ZNF462: variants seen among roughly 807,000 people sequenced by gnomAD.
The protein encoded by ZNF462 is zinc finger protein 462.
A neutral mutation model predicts 201.9 loss-of-function variants in ZNF462; 10 were observed. The observed-to-expected ratio is 0.05, with a 90% CI of 0.03 to 0.08. The LOEUF (loss-of-function observed/expected upper bound fraction) is 0.08. Among genes scored for constraint, ZNF462 ranks in the 10% least tolerant of loss-of-function variants. ZNF462 has a pLI of 1.00. For synonymous variants in ZNF462, 1,227 were observed against 1,193.3 expected (o/e 1.03, Z -0.58); for missense variants, 2,523 against 3,168.3 (o/e 0.80, Z 4.89).
At chr9:106,992,737 G>A (rs1336973567) in intron 10 of ZNF462, among the ~76,000 whole-genome samples, 2 of 152,066 alleles carry the variant, frequency 1.3e-5, no homozygotes, top group Non-Finnish European at 2.9e-5. Context: ...AGCAGGGATT[G>A]ATTACAAAGG....
At chr9:106,942,454 T>C (rs1006221097) in intron 7 of ZNF462, among the ~76,000 whole-genome samples, 1 of 152,220 alleles carries the variant, frequency 6.6e-6, no homozygotes, top group African/African-American at 2.4e-5. Flanking sequence ...GAATCCTCTA[T>C]ATATTCATGA....
In ZNF462 at chr9:107,008,870, G is replaced by A. The variant is rs1365043220; in HGVS notation, c.7190-675G>A. 6.6e-6 allele frequency among the ~76,000 whole-genome samples: 1 copy of A among 152,212 alleles called. No individual in the cohort carries two copies. Among genetic ancestry groups the A allele is most frequent in the Non-Finnish European group, 1.5e-5 (1 of 68,024 alleles). On this transcript the variant is annotated intron_variant, in intron 11 of 12. Transcript: ENST00000277225. The surrounding 1 kb of genome is among the most constrained non-coding windows in gnomAD (Gnocchi z 4.8). Reference sequence around the variant, plus strand: ...ACCACCAATTGAGGGGTAGGTGCCAGGCAGCTGGCCAGGATCTCTCAATAG... The same window carrying A: ...ACCACCAATTGAGGGGTAGGTGCCAAGCAGCTGGCCAGGATCTCTCAATAG...
At chr9:106,910,378 T>TTTTG (rs1183753804) in intron 1 of ZNF462, among the ~76,000 whole-genome samples, 4 of 149,864 alleles carry the variant, frequency 2.7e-5, no homozygotes, top group African/African-American at 9.7e-5. Flanking sequence ...TTTTTTTTTT[T>TTTTG]TTTTTTTTAA....
At chr9:106,947,334 G>A (rs763804499) in intron 7 of ZNF462, among the ~76,000 whole-genome samples, 7 of 152,256 alleles carry the variant, frequency 4.6e-5, no homozygotes, top group Admixed American at 2.0e-4. Context: ...TAGATGACTC[G>A]CACAGGTCAC....
At chr9:106,911,967 C>T (rs761976006) in intron 1 of ZNF462, among the ~76,000 whole-genome samples, 3 of 152,068 alleles carry the variant, frequency 2.0e-5, no homozygotes, top group South Asian at 2.1e-4. Context: ...TAATTTGAAG[C>T]GAAATCCAGT....
chr9:106,984,180 C>T lies in ZNF462; in HGVS notation c.6833-6C>T, dbSNP rs1282466728. The T allele has an allele frequency of 1.9e-6, 3 of 1,608,928 alleles. No individual in the cohort carries two copies. Among genetic ancestry groups the T allele is most frequent in the Admixed American group, 1.7e-5 (1 of 59,044 alleles). ...TCCCATCTTTCCATTCAATTTGTTT[C>T]CACAGAAGAGCGTGTTGTCCCCATT... On this transcript the variant is annotated splice_polypyrimidine_tract_variant and splice_region_variant and intron_variant, in intron 9 of 12. Coordinates refer to ENST00000277225, the MANE Select transcript of ZNF462 (RefSeq NM_021224.6). This position sits in a 1 kb window ranked among gnomAD's most constrained non-coding sequence, Gnocchi z 6.4.
At position 106,924,860 on chromosome 9, in the gene ZNF462, C is replaced by T. The variant is rs144035514; in HGVS notation, c.948C>T (p.Thr316=). ...CAAGCCGGGAGATACCCAATACTAC[C>T]GTCTCCAACTTCAGGGGCTCCATGG... ...NAASREIPNT[T]VSNFRGSMGN... The change falls in exon 3 of 13, where the codon ACC becomes ACT. Residue 316 remains threonine, a synonymous_variant. Coordinates refer to ENST00000277225, the MANE Select transcript of ZNF462 (RefSeq NM_021224.6). The surrounding 1 kb of genome is among the most constrained non-coding windows in gnomAD (Gnocchi z 6.2). 6.4e-5 allele frequency: 103 copies of T among 1,614,084 alleles called. 1 individual carries two copies. Among genetic ancestry groups the T allele is most frequent in the Middle Eastern group, 1.6e-4 (1 of 6,084 alleles).
At position 106,872,718 on chromosome 9, in the gene ZNF462, C is replaced by G. The variant is rs964159240; in HGVS notation, c.-31+9363C>G. Among the ~76,000 whole-genome samples the G allele has an allele frequency of 1.3e-5, 2 of 152,154 alleles. No individual in the cohort carries two copies. The highest frequency in any genetic ancestry group is 4.8e-5 in the African/African-American group (2 of 41,438). Reference sequence around the variant, plus strand: ...GAGTTCAGTTGCAAGAACTTCCCCCCTTTCTGCTGTCAATTGAATATTGTC... The same window carrying G: ...GAGTTCAGTTGCAAGAACTTCCCCCGTTTCTGCTGTCAATTGAATATTGTC... On this transcript the variant is annotated intron_variant, in intron 1 of 12. Transcript: ENST00000277225. The surrounding 1 kb of genome is among the most constrained non-coding windows in gnomAD (Gnocchi z 4.5).
At chr9:106,915,820 T>C (rs764045965) in intron 1 of ZNF462, among the ~76,000 whole-genome samples, 1 of 152,188 alleles carries the variant, frequency 6.6e-6, no homozygotes, top group African/African-American at 2.4e-5. Flanking sequence ...AGGGTAGTTA[T>C]ATTAGAAACC....
In ZNF462 at chr9:106,962,013, C is replaced by T. The variant is rs540629745; in HGVS notation, c.6428-9992C>T. Among the ~76,000 whole-genome samples, 5 of 152,042 alleles carry T rather than the reference C, an allele frequency of 3.3e-5. No homozygotes were observed. Among genetic ancestry groups the T allele is most frequent in the African/African-American group, 7.2e-5 (3 of 41,502 alleles). Reference sequence around the variant, plus strand: ...ACAGTGTGGGCAAGGGAGTGAGGATCGGCCTGGAAAGATGAAGGAGAGTGT... The same window carrying T: ...ACAGTGTGGGCAAGGGAGTGAGGATTGGCCTGGAAAGATGAAGGAGAGTGT... On this transcript the variant is annotated intron_variant, in intron 7 of 12. Transcript: ENST00000277225. The surrounding 1 kb of genome is among the most constrained non-coding windows in gnomAD (Gnocchi z 4.6).
At chr9:106,862,002 A>G (rs901217412), upstream of ZNF462, among the ~76,000 whole-genome samples, 1 of 152,154 alleles carries the variant, frequency 6.6e-6, no homozygotes, top group African/African-American at 2.4e-5. The surrounding 1 kb of genome is among the most constrained non-coding windows in gnomAD (Gnocchi z 4.2). Context: ...TGCGCAGTCA[A>G]AACATTTCAC....
rs1827619240 is a variant in ZNF462, at chr9:106,872,124, A to G, written c.-31+8769A>G. On this transcript the variant is annotated intron_variant, in intron 1 of 12. Transcript: ENST00000277225. The surrounding 1 kb of genome is among the most constrained non-coding windows in gnomAD (Gnocchi z 4.5). ...TCTGTGTTATGACTAATTAGTCAGCAATTGAGCACCAATCATTCAACCCAG... is the reference window on the plus strand; with the variant it reads ...TCTGTGTTATGACTAATTAGTCAGCGATTGAGCACCAATCATTCAACCCAG... 6.6e-6 allele frequency among the ~76,000 whole-genome samples: 1 copy of G among 152,106 alleles called. No individual in the cohort carries two copies. Among genetic ancestry groups the G allele is most frequent in the Admixed American group, 6.5e-5 (1 of 15,276 alleles).
In ZNF462 at chr9:106,950,357, T is replaced by C. The variant is rs574908610; in HGVS notation, c.6427+11250T>C. Among the ~76,000 whole-genome samples, 6 of 152,324 alleles carry C rather than the reference T, an allele frequency of 3.9e-5. No homozygotes were observed. The East Asian group carries it at 1.2e-3, about 29-fold the overall frequency. The stretch of plus-strand genomic sequence containing the variant: ...AGAAGTTGCAAATAGCTGCAGTCTA[T>C]CTTACTTGTCCCAAACTAAATGGAG... On this transcript the variant is annotated intron_variant, in intron 7 of 12. Coordinates refer to ENST00000277225, the MANE Select transcript of ZNF462 (RefSeq NM_021224.6). The surrounding 1 kb of genome is among the most constrained non-coding windows in gnomAD (Gnocchi z 4.1).
chr9:106,861,251 G>C (rs912418314), upstream of ZNF462, among the ~76,000 whole-genome samples: 1 of 152,032 alleles, frequency 6.6e-6, no homozygotes, highest in Non-Finnish European at 1.5e-5. Flanking sequence ...GGAAAATCTT[G>C]GAAAATGAGG....
intron 10 of ZNF462, among the ~76,000 whole-genome samples, chr9:106,987,413 A>G (rs1228526213): frequency 6.6e-6 from 1 of 152,164 alleles, no homozygotes; most frequent in African/African-American, 2.4e-5. Flanking sequence ...TTCCCTGATC[A>G]TTAGTGATGC....
At chr9:106,882,131 T>C (rs1402879767) in intron 1 of ZNF462, among the ~76,000 whole-genome samples, 1 of 152,204 alleles carries the variant, frequency 6.6e-6, no homozygotes, top group Non-Finnish European at 1.5e-5. Context: ...AAAGATCTTA[T>C]TCAGTTAAAA....
At chr9:106,864,743 A>T (rs1037464779) in intron 1 of ZNF462, among the ~76,000 whole-genome samples, 4 of 151,884 alleles carry the variant, frequency 2.6e-5, no homozygotes, top group Non-Finnish European at 5.9e-5. Flanking sequence ...AAGACCAACC[A>T]GTTGGGGCTT....
In ZNF462 at chr9:106,974,266, G is replaced by T; in HGVS notation, c.6825G>T (p.Leu2275=). The part of the protein sequence containing the change: ...YKRNMIDHIV[L]HREERVVPIE... ...GCAACATGATTGACCACATCGTGCT[G>T]CACCGAGGTAACCTTTCTAACTTGG... is the stretch of plus-strand genomic sequence containing the variant. Residue 2275 remains leucine, a synonymous_variant, in exon 9 of 13, where the codon CTG becomes CTT. Coordinates refer to ENST00000277225, the MANE Select transcript of ZNF462 (RefSeq NM_021224.6). This position sits in a 1 kb window ranked among gnomAD's most constrained non-coding sequence, Gnocchi z 4.0. 1.2e-6 allele frequency: 2 copies of T among 1,614,164 alleles called. No homozygotes were observed. The highest frequency in any genetic ancestry group is 1.7e-6 in the Non-Finnish European group (2 of 1,180,028).
chr9:106,957,263 C>A (rs1831621380), intron 7 of ZNF462, among the ~76,000 whole-genome samples: 1 of 152,002 alleles, frequency 6.6e-6, no homozygotes, highest in East Asian at 1.9e-4. Flanking sequence ...ATAGGGAGGT[C>A]CAAGGAGAGG....
Sources: allele counts gnomAD v4.1 joint callset (sites outside exome capture counted in the v4.1 genomes callset), GRCh38; gene constraint gnomAD v4.1.1; non-coding constraint Gnocchi (gnomAD v3.1); transcripts MANE v1.5; gene names NCBI Gene and HGNC (gene_info 2026-07-23, HGNC 2026-07-21).